Variants in STX18 observed in about 807,000 individuals in gnomAD.
The protein encoded by STX18 is syntaxin-18.
In STX18, 40 loss-of-function variants were observed where a neutral mutation model predicts 50.1. The ratio of observed to expected loss-of-function variants is 0.80; its 90% confidence interval spans 0.62 to 1.04. The LOEUF (loss-of-function observed/expected upper bound fraction) is 1.04. Ranked by LOEUF, STX18 falls within the 50% of genes least tolerant of loss-of-function variation. The pLI is 0.00. For missense variants in STX18, 410 were observed against 415.8 expected (o/e 0.99, Z 0.12); for synonymous variants, 158 against 151.8 (o/e 1.04, Z -0.30).
chr4:4,452,894 T>G (rs1226124980), intron 5 of STX18, among the ~76,000 whole-genome samples: 1 of 152,172 alleles, frequency 6.6e-6, no homozygotes, highest in Non-Finnish European at 1.5e-5. Context: ...GATTCCAACC[T>G]TCCTGAATAA....
intron 1 of STX18, among the ~76,000 whole-genome samples, chr4:4,522,918 G>C (rs1397839290): frequency 6.6e-6 from 1 of 152,232 alleles, no homozygotes; most frequent in Non-Finnish European, 1.5e-5. Context: ...GCAGCTATGT[G>C]AGTGCAGAGA....
intron 1 of STX18, among the ~76,000 whole-genome samples, chr4:4,484,069 A>G (rs113699974): frequency 0.022 from 3,382 of 152,142 alleles, 95 homozygotes; most frequent in Middle Eastern, 0.065. Flanking sequence ...TCACCATGTT[A>G]GCCAGGATGG....
At chr4:4,524,147 A>C (rs545481856) in intron 1 of STX18, among the ~76,000 whole-genome samples, 1 of 152,352 alleles carries the variant, frequency 6.6e-6, no homozygotes, top group Non-Finnish European at 1.5e-5. Flanking sequence ...TTGGTGCTTA[A>C]CAGTAAGTGA....
At chr4:4,431,693 C>T (rs1487042305) in intron 7 of STX18, among the ~76,000 whole-genome samples, 1 of 152,190 alleles carries the variant, frequency 6.6e-6, no homozygotes, top group African/African-American at 2.4e-5. Context: ...AATTCATCAT[C>T]TCCTGCTCAG....
At chr4:4,473,940 A>G (rs1005150783) in intron 1 of STX18, among the ~76,000 whole-genome samples, 3 of 152,158 alleles carry the variant, frequency 2.0e-5, no homozygotes, top group Non-Finnish European at 4.4e-5. Context: ...ACAACGGGAA[A>G]AAGTCCAAAC....
intron 2 of STX18, 54 bp from the exon 3 acceptor site, chr4:4,459,541 C>T: frequency 1.5e-6 from 2 of 1,315,286 alleles, no homozygotes; most frequent in Non-Finnish European, 2.2e-6. Context: ...ATAATATAGT[C>T]TGAGTGGGAT....
rs867250593 is a variant in STX18, at chr4:4,522,340, C to T, written c.168+19457G>A. ...ATTTTAATCTAGACACTTAAAAAAA[C>T]GTAATGGAGTAATAGACTATACAGC... On this transcript the variant is annotated intron_variant, in intron 1 of 10. Transcript: ENST00000306200. Among the ~76,000 whole-genome samples, 6 of 152,112 alleles carry T rather than the reference C, an allele frequency of 3.9e-5. No individual in the cohort carries two copies. The East Asian group carries it at 1.2e-3, about 29-fold the overall frequency.
chr4:4,486,241 C>G (rs1728694000), intron 1 of STX18, among the ~76,000 whole-genome samples: 1 of 152,160 alleles, frequency 6.6e-6, no homozygotes, highest in African/African-American at 2.4e-5. Flanking sequence ...CCAAAGCTTC[C>G]AAAATCATTC....
At chr4:4,533,146 C>T (rs577856193) in intron 1 of STX18, among the ~76,000 whole-genome samples, 3 of 152,314 alleles carry the variant, frequency 2.0e-5, no homozygotes, top group African/African-American at 7.2e-5. Flanking sequence ...TTATTGGGTT[C>T]ATTCAATATA....
intron 1 of STX18, among the ~76,000 whole-genome samples, chr4:4,486,427 C>T (rs1728701915): frequency 6.6e-6 from 1 of 152,112 alleles, no homozygotes; most frequent in Non-Finnish European, 1.5e-5. Flanking sequence ...TAACAGACAA[C>T]GAATGTGGAT....
chr4:4,468,866 G>A (rs1010896420), intron 2 of STX18, among the ~76,000 whole-genome samples: 3 of 152,120 alleles, frequency 2.0e-5, no homozygotes, highest in African/African-American at 4.8e-5. Context: ...GTCTCAAAGT[G>A]GAAACAGCCC....
intron 1 of STX18, among the ~76,000 whole-genome samples, chr4:4,521,553 G>C (rs1306644861): frequency 6.6e-6 from 1 of 152,026 alleles, no homozygotes; most frequent in African/African-American, 2.4e-5. Flanking sequence ...AGGCAGCAAA[G>C]GTTTCACCAA....
chr4:4,465,190 T>C (rs1377442020), intron 2 of STX18, among the ~76,000 whole-genome samples: 1 of 152,194 alleles, frequency 6.6e-6, no homozygotes, highest in East Asian at 1.9e-4. Context: ...AGTGTGGCGA[T>C]TCCTCAAAGA....
chr4:4,535,539 G>C (rs1314159306), intron 1 of STX18, among the ~76,000 whole-genome samples: 1 of 152,134 alleles, frequency 6.6e-6, no homozygotes, highest in Non-Finnish European at 1.5e-5. Context: ...TGGTTCCTAG[G>C]GGTTCCTCAA....
At position 4,447,417 on chromosome 4, in the gene STX18, G is replaced by A. The variant is rs546177778; in HGVS notation, c.498-8908C>T. On this transcript the variant is annotated intron_variant, in intron 5 of 10. Transcript: ENST00000306200. Reference sequence around the variant, plus strand: ...ATCCTGGCTAACACGGTGAAACCCCGTCTCTACTAAAAAAATACAAAAAAT... The same window carrying A: ...ATCCTGGCTAACACGGTGAAACCCCATCTCTACTAAAAAAATACAAAAAAT... Among the ~76,000 whole-genome samples the A allele has an allele frequency of 8.9e-4, 135 of 151,340 alleles. 1 individual carries two copies. In the Middle Eastern group the frequency reaches 0.014, roughly 15 times the overall value.
intron 2 of STX18, among the ~76,000 whole-genome samples, chr4:4,466,135 G>C (rs1019336845): frequency 6.6e-6 from 1 of 152,198 alleles, no homozygotes; most frequent in Non-Finnish European, 1.5e-5. Flanking sequence ...AAAAAGAGCT[G>C]TCAGTATTCA....
chr4:4,518,385 A>T (rs1226723249), intron 1 of STX18, among the ~76,000 whole-genome samples: 1 of 152,226 alleles, frequency 6.6e-6, no homozygotes. Flanking sequence ...TTGTATAGAA[A>T]ACTATGACAG....
intron 1 of STX18, among the ~76,000 whole-genome samples, chr4:4,530,986 T>C (rs1731064459): frequency 6.6e-6 from 1 of 152,220 alleles, no homozygotes; most frequent in Admixed American, 6.5e-5. Flanking sequence ...GTTTTGTTTT[T>C]ACAGTTAAAT....
intron 1 of STX18, 150 bp downstream of exon 1, chr4:4,541,647 C>T (rs1207602220): frequency 1.3e-6 from 1 of 767,566 alleles, no homozygotes; most frequent in African/African-American, 1.9e-5. Context: ...CCCCAAAAAG[C>T]TGTAGGGTCT....
Sources: allele counts gnomAD v4.1 joint callset (sites outside exome capture counted in the v4.1 genomes callset), GRCh38; gene constraint gnomAD v4.1.1; transcripts MANE v1.5; gene names NCBI Gene and HGNC (gene_info 2026-07-23, HGNC 2026-07-21).